Variants in ADGRL3 observed in about 807,000 individuals in gnomAD.
ADGRL3 encodes the protein calcium-independent alpha-latrotoxin receptor 3.
A neutral mutation model predicts 153.5 loss-of-function variants in ADGRL3; 62 were observed. The observed-to-expected ratio is 0.40, with a 90% CI of 0.33 to 0.50. The LOEUF is 0.50. Among genes scored for constraint, ADGRL3 ranks in the 20% least tolerant of loss-of-function variants. The pLI, the probability that ADGRL3 is intolerant of heterozygous loss-of-function variation, is 0.47. For synonymous variants in ADGRL3, 710 were observed against 672.5 expected, an observed-to-expected ratio of 1.06 and a Z score of -0.86; for missense variants, 1,641 against 1,859.4, an observed-to-expected ratio of 0.88 and a Z score of 2.16.
At chr4:61,265,639 A>G (rs1442749814) in intron 1 of ADGRL3, among the ~76,000 whole-genome samples, 3 of 151,940 alleles carry the variant, frequency 2.0e-5, no homozygotes, top group African/African-American at 7.2e-5. Context: ...AATTGGCTGA[A>G]ATGGACAAGT....
At chr4:61,946,216 T>C (rs2098923042) in intron 15 of ADGRL3, among the ~76,000 whole-genome samples, 1 of 152,190 alleles carries the variant, frequency 6.6e-6, no homozygotes, top group Non-Finnish European at 1.5e-5. Context: ...TTCCACATCC[T>C]TATCAACATT....
chr4:61,673,437 T>C (rs1435373284), intron 5 of ADGRL3, among the ~76,000 whole-genome samples: 5 of 151,830 alleles, frequency 3.3e-5, no homozygotes, highest in African/African-American at 1.2e-4. Context: ...TTTTAATTTA[T>C]GTTTACTTTA....
chr4:61,209,563 T>C (rs142665979), intron 1 of ADGRL3, among the ~76,000 whole-genome samples: 175 of 152,274 alleles, frequency 1.1e-3, no homozygotes, highest in African/African-American at 3.7e-3. Flanking sequence ...TCTTAAGTAG[T>C]TGAGAAAGGT....
At chr4:61,452,622 T>C (rs1560657231) in intron 2 of ADGRL3, among the ~76,000 whole-genome samples, 1 of 152,214 alleles carries the variant, frequency 6.6e-6, no homozygotes, top group South Asian at 2.1e-4. Flanking sequence ...CAAGCATTAA[T>C]AGAGTTTTGA....
intron 1 of ADGRL3, among the ~76,000 whole-genome samples, chr4:61,316,873 C>G (rs1335091349): frequency 6.6e-6 from 1 of 152,066 alleles, no homozygotes; most frequent in Non-Finnish European, 1.5e-5. Context: ...GTGTCTATGC[C>G]TTCTCTTTAT....
intron 19 of ADGRL3, among the ~76,000 whole-genome samples, chr4:61,985,967 G>A (rs2099084099): frequency 6.7e-6 from 1 of 149,292 alleles, no homozygotes; most frequent in Admixed American, 6.7e-5. Flanking sequence ...TCTTAGGGGA[G>A]GGGTGTTAGG....
intron 24 of ADGRL3, among the ~76,000 whole-genome samples, chr4:62,041,807 AC>A (rs1363662298): frequency 2.0e-5 from 3 of 152,030 alleles, no homozygotes; most frequent in South Asian, 2.1e-4. Context: ...TATACTATAT[AC>A]TTTTTCCTCT....
intron 12 of ADGRL3, 46 bp from the exon 13 acceptor site, chr4:61,912,672 CT>C (rs1342942177): frequency 6.4e-7 from 1 of 1,563,244 alleles, no homozygotes; most frequent in South Asian, 1.1e-5. Flanking sequence ...CTGTCACTAA[CT>C]TGTTTTTTCT....
chr4:61,563,748 G>A (rs1297451796), intron 4 of ADGRL3, among the ~76,000 whole-genome samples: 3 of 152,126 alleles, frequency 2.0e-5, no homozygotes, highest in Non-Finnish European at 2.9e-5. Context: ...GGTGGCTCAC[G>A]CCTGTAATCC....
intron 1 of ADGRL3, among the ~76,000 whole-genome samples, chr4:61,259,078 C>T (rs2092277256): frequency 6.6e-6 from 1 of 152,106 alleles, no homozygotes; most frequent in Non-Finnish European, 1.5e-5. Context: ...ATGATATATG[C>T]CAATAAAATC....
chr4:61,405,587 T>C (rs563960002), intron 2 of ADGRL3, among the ~76,000 whole-genome samples: 2 of 152,056 alleles, frequency 1.3e-5, no homozygotes, highest in African/African-American at 4.8e-5. Context: ...AAACCCCCTG[T>C]AGTCCTCAGA....
chr4:61,471,355 T>C (rs1186178959), intron 2 of ADGRL3, among the ~76,000 whole-genome samples: 1 of 151,830 alleles, frequency 6.6e-6, no homozygotes, highest in East Asian at 1.9e-4. Context: ...TTTTGATAAG[T>C]ATTATTATAA....
Position 62,044,463 on chromosome 4 carries a change from G to A in ADGRL3, c.3728G>A (p.Arg1243His), listed in dbSNP as rs746720564. 7 of 1,588,428 alleles carry A rather than the reference G, an allele frequency of 4.4e-6. No individual in the cohort carries two copies. Among genetic ancestry groups the A allele is most frequent in the Admixed American group, 1.8e-5 (1 of 57,058 alleles). The change falls in exon 25 of 27, where the codon CGT becomes CAT. Residue 1243 changes from arginine (R) to histidine (H), a missense_variant. Around this residue, in one of 5 missense-constraint regions of ADGRL3, gnomAD observed 517 missense variants for 555.0 expected, o/e 0.93. Coordinates refer to ENST00000683033, the MANE Select transcript of ADGRL3 (RefSeq NM_001387552.1). Reference sequence around the variant, plus strand: ...TTTTCCCCCACCCAGAGCCGAATCCGTAGAATGTGGAATGACACGGTTCGA... The same window carrying A: ...TTTTCCCCCACCCAGAGCCGAATCCATAGAATGTGGAATGACACGGTTCGA... Reference protein sequence around the residue: ...RYSTGSQSRIRRMWNDTVRKQ... With the variant: ...RYSTGSQSRIHRMWNDTVRKQ...
chr4:61,635,662 A>T (rs1362109200), intron 5 of ADGRL3, among the ~76,000 whole-genome samples: 2 of 152,150 alleles, frequency 1.3e-5, no homozygotes, highest in Non-Finnish European at 2.9e-5. Context: ...GACCCATTGT[A>T]TGAGTTTCCT....
intron 4 of ADGRL3, among the ~76,000 whole-genome samples, chr4:61,552,557 A>C (rs996516769): frequency 2.6e-5 from 4 of 152,094 alleles, no homozygotes; most frequent in Non-Finnish European, 4.4e-5. Flanking sequence ...TCAACCTCCC[A>C]GGCCTAAACA....
chr4:61,723,180 A>C (rs2096269400), intron 6 of ADGRL3, among the ~76,000 whole-genome samples: 1 of 152,176 alleles, frequency 6.6e-6, no homozygotes, highest in African/African-American at 2.4e-5. Context: ...TTTCTTTGAC[A>C]GCATTTAAGA....
At chr4:61,738,723 A>T (rs1374677393) in intron 8 of ADGRL3, among the ~76,000 whole-genome samples, 1 of 152,184 alleles carries the variant, frequency 6.6e-6, no homozygotes, top group East Asian at 1.9e-4. Flanking sequence ...TGAGCTACCC[A>T]ATTGTATGAC....
chr4:61,235,919 C>T (rs1752610954), intron 1 of ADGRL3, among the ~76,000 whole-genome samples: 2 of 151,586 alleles, frequency 1.3e-5, no homozygotes, highest in Admixed American at 6.6e-5. Flanking sequence ...TGTATATCAG[C>T]TTCTGTGAAC....
intron 4 of ADGRL3, among the ~76,000 whole-genome samples, chr4:61,523,895 T>G (rs2098545125): frequency 6.6e-6 from 1 of 152,090 alleles, no homozygotes; most frequent in African/African-American, 2.4e-5. Flanking sequence ...ACTATTGAAT[T>G]TTTTCACAAA....
Sources: allele counts gnomAD v4.1 joint callset (sites outside exome capture counted in the v4.1 genomes callset), GRCh38; gene constraint gnomAD v4.1.1; regional missense constraint gnomAD v4.1.1; transcripts MANE v1.5; gene names NCBI Gene and HGNC (gene_info 2026-07-23, HGNC 2026-07-21).